The following SYT1 variants were observed in gnomAD, a reference collection of about 807,000 sequenced individuals.
SYT1 encodes the protein synaptotagmin-1.
SYT1 carries 8 observed loss-of-function variants against 44.8 expected under a neutral mutation model. The observed-to-expected ratio is 0.18, with a 90% CI of 0.10 to 0.32. The LOEUF (loss-of-function observed/expected upper bound fraction) is 0.32. Ranked by LOEUF, SYT1 falls within the 10% of genes least tolerant of loss-of-function variation. The pLI is 1.00. For missense variants in SYT1, 286 were observed against 509.3 expected (o/e 0.56, Z 4.22); for synonymous variants, 154 against 188.8 (o/e 0.82, Z 1.51).
At chr12:79,098,852 G>A (rs573938326) in intron 3 of SYT1, among the ~76,000 whole-genome samples, 24 of 152,232 alleles carry the variant, frequency 1.6e-4, no homozygotes, top group African/African-American at 4.1e-4. Context: ...GCCTCTCCAC[G>A]TGCCATTTTA....
chr12:78,996,854 G>T (rs140229407), intron 2 of SYT1, among the ~76,000 whole-genome samples: 3 of 152,264 alleles, frequency 2.0e-5, no homozygotes, highest in African/African-American at 4.8e-5. Context: ...AACAGAGTTT[G>T]GATTATTCAC....
chr12:79,349,514 G>A (rs1279811999), intron 8 of SYT1, among the ~76,000 whole-genome samples: 2 of 152,116 alleles, frequency 1.3e-5, no homozygotes, highest in Non-Finnish European at 2.9e-5. Flanking sequence ...GTTTGCCCCA[G>A]TTCCTCTCTG....
chr12:78,903,967 T>C (rs1351952997), intron 1 of SYT1, among the ~76,000 whole-genome samples: 2 of 151,954 alleles, frequency 1.3e-5, no homozygotes, highest in Non-Finnish European at 2.9e-5. Flanking sequence ...AGAATCACAG[T>C]TGAATCTGTA....
At chr12:79,340,182 A>T (rs1882297828) in intron 8 of SYT1, among the ~76,000 whole-genome samples, 1 of 152,174 alleles carries the variant, frequency 6.6e-6, no homozygotes, top group African/African-American at 2.4e-5. Context: ...TGAACTTTAA[A>T]GTAGTTTTTT....
chr12:79,044,636 T>A (rs574844041), intron 2 of SYT1, among the ~76,000 whole-genome samples: 1 of 150,122 alleles, frequency 6.7e-6, no homozygotes, highest in South Asian at 2.1e-4. Flanking sequence ...CTCGTCAAAG[T>A]CATTCTCCAT....
intron 3 of SYT1, among the ~76,000 whole-genome samples, chr12:79,176,168 G>C (rs1592819965): frequency 6.6e-6 from 1 of 151,274 alleles, no homozygotes; most frequent in Non-Finnish European, 1.5e-5. Flanking sequence ...TGCATGCCTG[G>C]AATCCCAGCT....
At chr12:79,340,879 C>T (rs985893278) in intron 8 of SYT1, among the ~76,000 whole-genome samples, 22 of 152,192 alleles carry the variant, frequency 1.4e-4, no homozygotes, top group African/African-American at 5.1e-4. Flanking sequence ...ATTCACTTTT[C>T]CCTACTCTCC....
At chr12:79,046,653 TG>T (rs1389325112) in intron 2 of SYT1, among the ~76,000 whole-genome samples, 1 of 152,038 alleles carries the variant, frequency 6.6e-6, no homozygotes, top group Non-Finnish European at 1.5e-5. Flanking sequence ...TAATTCCTGA[TG>T]GGCTTGTAAT....
intron 2 of SYT1, among the ~76,000 whole-genome samples, chr12:79,038,723 G>C (rs1201741343): frequency 6.6e-6 from 1 of 151,826 alleles, no homozygotes; most frequent in Non-Finnish European, 1.5e-5. Context: ...TTAGGACTAG[G>C]ATTCTACTGC....
At chr12:79,243,314 A>G (rs1280027796) in intron 4 of SYT1, among the ~76,000 whole-genome samples, 1 of 152,174 alleles carries the variant, frequency 6.6e-6, no homozygotes, top group African/African-American at 2.4e-5. Context: ...AATTTCTTAA[A>G]TTGCCCTAGC....
At chr12:79,290,518 C>A (rs1290326591) in intron 5 of SYT1, among the ~76,000 whole-genome samples, 1 of 152,136 alleles carries the variant, frequency 6.6e-6, no homozygotes, top group Non-Finnish European at 1.5e-5. Flanking sequence ...TGCCTATCTA[C>A]AGCCTGGTTA....
At chr12:78,873,606 T>G (rs557288311) in intron 1 of SYT1, among the ~76,000 whole-genome samples, 2 of 151,638 alleles carry the variant, frequency 1.3e-5, no homozygotes, top group Non-Finnish European at 3.0e-5. Context: ...TAGGGTGCAA[T>G]GAGAAGTGAT....
intron 4 of SYT1, among the ~76,000 whole-genome samples, chr12:79,269,367 A>G (rs551846485): frequency 2.4e-4 from 36 of 151,940 alleles, no homozygotes; most frequent in African/African-American, 8.7e-4. Context: ...ATTGCCTCCT[A>G]TCTCTAGTTT....
At chr12:78,969,414 C>A (rs1322131227) in intron 1 of SYT1, among the ~76,000 whole-genome samples, 1 of 152,120 alleles carries the variant, frequency 6.6e-6, no homozygotes, top group African/African-American at 2.4e-5. Context: ...GGTTAACATC[C>A]AGAGGAGGTG....
chr12:78,977,300 CAA>C (rs1166328930), intron 1 of SYT1, among the ~76,000 whole-genome samples: 1 of 152,092 alleles, frequency 6.6e-6, no homozygotes, highest in African/African-American at 2.4e-5. Flanking sequence ...CTGTTGCTCA[CAA>C]AGAGATTCAC....
rs181358373 is a variant in SYT1, at chr12:79,360,549, C to T, written c.928+6930C>T. Among the ~76,000 whole-genome samples, 244 of 152,176 alleles carry T rather than the reference C, an allele frequency of 1.6e-3. 1 individual carries two copies. Among genetic ancestry groups the T allele is most frequent in the African/African-American group, 5.7e-3 (236 of 41,514 alleles). The stretch of plus-strand genomic sequence containing the variant: ...GGAGCCGGGCCAATAAATAAAATGG[C>T]AAAAACTTATTTGAACCAATTAGAC... On this transcript the variant is annotated intron_variant, in intron 9 of 10. Coordinates refer to ENST00000261205, the MANE Select transcript of SYT1 (RefSeq NM_005639.3).
chr12:78,948,812 C>G (rs1878804791), intron 1 of SYT1, among the ~76,000 whole-genome samples: 1 of 151,666 alleles, frequency 6.6e-6, no homozygotes, highest in African/African-American at 2.4e-5. Context: ...TAACTACTTG[C>G]ATAGTGTCCA....
At chr12:78,922,334 T>C (rs1181619557) in intron 1 of SYT1, among the ~76,000 whole-genome samples, 1 of 151,826 alleles carries the variant, frequency 6.6e-6, no homozygotes, top group Non-Finnish European at 1.5e-5. Context: ...GGACTTGGAG[T>C]TGCAAGACCT....
At chr12:79,050,801 C>T (rs1218809194) in intron 3 of SYT1, among the ~76,000 whole-genome samples, 1 of 151,986 alleles carries the variant, frequency 6.6e-6, no homozygotes, top group Non-Finnish European at 1.5e-5. Context: ...CAAATGTTAC[C>T]TGCAAATGCT....
Sources: allele counts gnomAD v4.1 joint callset (sites outside exome capture counted in the v4.1 genomes callset), GRCh38; gene constraint gnomAD v4.1.1; transcripts MANE v1.5; gene names NCBI Gene and HGNC (gene_info 2026-07-23, HGNC 2026-07-21).